OPRM1: variants seen among roughly 807,000 people sequenced by gnomAD.
OPRM1 encodes opioid receptor mu 1, also known as mu-type opioid receptor.
OPRM1 carries 27 observed loss-of-function variants against 31.8 expected under a neutral mutation model. The observed-to-expected ratio is 0.85, with a 90% CI of 0.63 to 1.17. The LOEUF is 1.17. Among genes scored for constraint, OPRM1 ranks in the 50% most tolerant of loss-of-function variants. OPRM1 has a pLI of 0.00. For synonymous variants in OPRM1, 196 were observed against 189.9 expected, an observed-to-expected ratio of 1.03 and a Z score of -0.26; for missense variants, 536 against 511.1, an observed-to-expected ratio of 1.05 and a Z score of -0.47.
rs73790437 is a variant in OPRM1 at position 154,128,029 on chromosome 6, T to C, written c.*9308T>C. ...AGGCCTACTCCCCAGCTGAGTACTT[T>C]CCATGCAAGCTACCGCATCTGTATA... On this transcript the variant is annotated 3_prime_UTR_variant, in exon 4 of 4. Coordinates refer to ENST00000330432, the MANE Select transcript of OPRM1 (RefSeq NM_000914.5). Among the ~76,000 whole-genome samples, 1,843 of 152,322 alleles carry C rather than the reference T, an allele frequency of 0.012. 35 individuals carry two copies. The highest frequency in any genetic ancestry group is 0.043 in the African/African-American group (1,771 of 41,556).
Position 154,168,118 on chromosome 6 carries a change from T to A in OPRM1, c.1164+76646T>A. 6.6e-7 allele frequency: 1 copy of A among 1,524,502 alleles called. No individual in the cohort carries two copies. The highest frequency in any genetic ancestry group is 8.9e-7 in the Non-Finnish European group (1 of 1,128,998). 94.4% of individuals were successfully genotyped at this position (1,524,502 alleles called of 1,614,324 possible). A position where few individuals can be genotyped will look rare whatever the true frequency, so the allele number is the denominator to read the frequency against. The stretch of plus-strand genomic sequence containing the variant: ...CTTCAGACACTTTTGTCTCTTCTAT[T>A]TGAAAAAAAAAAAGAAAGCAGTAAC... On this transcript the variant is annotated intron_variant, in intron 3 of 3. Transcript: ENST00000337049. The surrounding 1 kb of genome is among the most constrained non-coding windows in gnomAD (Gnocchi z 4.1).
At chr6:154,023,191 AT>A (rs1287136409) in intron 1 of OPRM1, among the ~76,000 whole-genome samples, 1 of 151,902 alleles carries the variant, frequency 6.6e-6, no homozygotes, top group Non-Finnish European at 1.5e-5. Flanking sequence ...AAAATGGAAT[AT>A]TTTTCAATTT....
chr6:154,226,379 AC>A (rs1186878245), intron 3 of OPRM1, among the ~76,000 whole-genome samples: 9 of 152,108 alleles, frequency 5.9e-5, no homozygotes, highest in African/African-American at 1.9e-4. Flanking sequence ...TCATTATCTT[AC>A]TCCATAAAAT....
At position 154,090,105 on chromosome 6, in the gene OPRM1, T is replaced by G; in HGVS notation, c.570T>G (p.Asn190Lys). 1 of 1,614,146 alleles carries G rather than the reference T, an allele frequency of 6.2e-7. No homozygotes were observed. Residue 190 changes from asparagine to lysine, a missense_variant, in exon 2 of 4, where the codon AAT becomes AAG. Coordinates refer to ENST00000330432, the MANE Select transcript of OPRM1 (RefSeq NM_000914.5). ...CTCCCCGAAATGCCAAAATTATCAA[T>G]GTCTGCAACTGGATCCTCTCTTCAG... ...FRTPRNAKII[N>K]VCNWILSSAI... is the part of the protein sequence containing the mutation.
intron 3 of OPRM1, among the ~76,000 whole-genome samples, chr6:154,211,661 A>G (rs2128605095): frequency 6.6e-6 from 1 of 152,360 alleles, no homozygotes; most frequent in Non-Finnish European, 1.5e-5. Flanking sequence ...ACATATTAAA[A>G]TCAAGAACAT....
rs149491114 is a variant in OPRM1, at chr6:154,026,247, A to G, written c.1-12914A>G. 8.2e-3 allele frequency among the ~76,000 whole-genome samples: 1,251 copies of G among 152,056 alleles called. 10 individuals are homozygous for G. Among genetic ancestry groups the G allele is most frequent in the Non-Finnish European group, 0.013 (869 of 67,938 alleles). On this transcript the variant is annotated intron_variant, in intron 1 of 5. Coordinates refer to the OPRM1 transcript ENST00000434900. ...TTTTTTTTCTTTCAGCACTTTAAAT[A>G]TGTCATGCCACTCTCTCCTGGCCTG...
intron 3 of OPRM1, chr6:154,107,562 A>G (rs1583577918): frequency 1.4e-6 from 1 of 718,602 alleles, no homozygotes; most frequent in Non-Finnish European, 2.6e-6. Context: ...GGAAGAGTCT[A>G]GAGCATTAAT....
chr6:154,220,021 TGTGTG>T (rs1778735634), intron 3 of OPRM1, among the ~76,000 whole-genome samples: 1 of 151,032 alleles, frequency 6.6e-6, no homozygotes, highest in Non-Finnish European at 1.5e-5. Context: ...TGTGTGTGTG[TGTGTG>T]TGTCCATGCA....
At chr6:154,228,124 CTT>C (rs1181569039) in intron 3 of OPRM1, among the ~76,000 whole-genome samples, 1 of 152,012 alleles carries the variant, frequency 6.6e-6, no homozygotes, top group Non-Finnish European at 1.5e-5. Context: ...ACTAAAATAA[CTT>C]TGTTGAATGG....
upstream of OPRM1, among the ~76,000 whole-genome samples, chr6:154,036,515 C>A (rs76730320): frequency 0.016 from 2,458 of 151,906 alleles, 56 homozygotes; most frequent in African/African-American, 0.055. Context: ...AATAAAAAAA[C>A]AACTGTTTCT....
At chr6:154,165,487 T>C (rs911542816) in intron 3 of OPRM1, among the ~76,000 whole-genome samples, 28 of 152,234 alleles carry the variant, frequency 1.8e-4, no homozygotes, top group Non-Finnish European at 3.7e-4. Flanking sequence ...CACATCAGCA[T>C]GTCCTCCTAC....
At chr6:154,162,357 C>T (rs1292537040) in intron 3 of OPRM1, among the ~76,000 whole-genome samples, 1 of 152,220 alleles carries the variant, frequency 6.6e-6, no homozygotes, top group Non-Finnish European at 1.5e-5. Context: ...CTCCAGTGGC[C>T]CATTCTGCAT....
chr6:154,041,629 ATATT>A (rs1780080010), intron 1 of OPRM1, among the ~76,000 whole-genome samples: 1 of 147,370 alleles, frequency 6.8e-6, no homozygotes, highest in African/African-American at 2.6e-5. Context: ...CCTAGCTAAC[ATATT>A]TTTTTTTTTT....
At chr6:154,185,670 C>T (rs947943651) in intron 3 of OPRM1, among the ~76,000 whole-genome samples, 2 of 151,976 alleles carry the variant, frequency 1.3e-5, no homozygotes, top group Non-Finnish European at 2.9e-5. Flanking sequence ...ACTTTTAATC[C>T]GGGGGTGTCC....
chr6:154,049,079 T>A (rs2128412666), intron 1 of OPRM1, among the ~76,000 whole-genome samples: 1 of 152,290 alleles, frequency 6.6e-6, no homozygotes, highest in East Asian at 1.9e-4. Flanking sequence ...GTGTTTCTGT[T>A]TAAAGACGCT....
chr6:154,096,100 C>T (rs903576406), intron 3 of OPRM1, among the ~76,000 whole-genome samples: 2 of 152,164 alleles, frequency 1.3e-5, no homozygotes, highest in African/African-American at 4.8e-5. Context: ...CTCTGTCGCC[C>T]AGGCTGGAGT....
chr6:154,171,043 T>C lies in OPRM1; in HGVS notation c.1165-75650T>C, dbSNP rs551772961. Among the ~76,000 whole-genome samples, 3 of 152,206 alleles carry C rather than the reference T, an allele frequency of 2.0e-5. No individual in the cohort carries two copies. The East Asian group carries it at 5.8e-4, about 29-fold the overall frequency. ...ATGCCACCATGCTCAGCTAATTGAG[T>C]TGCCACTTTAGAAAATAGTTTGTCC... On this transcript the variant is annotated intron_variant, in intron 3 of 3. Coordinates refer to the OPRM1 transcript ENST00000337049.
chr6:154,036,977 A>G (rs916627994), upstream of OPRM1, among the ~76,000 whole-genome samples: 4 of 151,974 alleles, frequency 2.6e-5, no homozygotes, highest in Non-Finnish European at 4.4e-5. Context: ...CAAAGCTAGG[A>G]GAGTAAATAA....
intron 3 of OPRM1, among the ~76,000 whole-genome samples, chr6:154,245,245 C>G (rs2128641071): frequency 6.6e-6 from 1 of 152,066 alleles, no homozygotes. Context: ...TTGTGAATCC[C>G]TTAAAACTTT....
Sources: gnomAD v4.1 joint callset for allele counts (sites outside exome capture counted in the v4.1 genomes callset) on GRCh38, gnomAD v4.1.1 for gene constraint, Gnocchi (gnomAD v3.1) non-coding constraint, MANE v1.5 for transcripts, NCBI Gene and HGNC (gene_info 2026-07-23, HGNC 2026-07-21) for gene names.